The following TSPAN15 variants were observed in gnomAD, a reference collection of about 807,000 sequenced individuals.
TSPAN15 encodes tetraspanin-15.
A neutral mutation model predicts 34.5 loss-of-function variants in TSPAN15; 20 were observed. The observed-to-expected ratio is 0.58, with a 90% CI of 0.41 to 0.84. TSPAN15 has a LOEUF of 0.84. Among genes scored for constraint, TSPAN15 ranks in the 40% least tolerant of loss-of-function variants. The pLI, the probability that TSPAN15 is intolerant of heterozygous loss-of-function variation, is 0.00. For synonymous variants in TSPAN15, 155 were observed against 153.9 expected, an observed-to-expected ratio of 1.01 and a Z score of -0.05; for missense variants, 313 against 386.1, an observed-to-expected ratio of 0.81 and a Z score of 1.59.
chr10:69,508,566 C>T (rs972612327), downstream of TSPAN15, among the ~76,000 whole-genome samples: 1 of 151,602 alleles, frequency 6.6e-6, no homozygotes, highest in African/African-American at 2.4e-5. Flanking sequence ...GATGCTTGGT[C>T]TGCCATGGGT....
rs1475884125 is a variant in TSPAN15 at position 69,506,798 on chromosome 10, G to C, written c.736-31G>C. On this transcript the variant is annotated intron_variant, in intron 7 of 7. Transcript: ENST00000373290. This position sits in a 1 kb window ranked among gnomAD's most constrained non-coding sequence, Gnocchi z 4.7. ...GGGAGGGCTGCCCTGATTCCCAGCA[G>C]GCCCTCACCAGCCCTGCCCCTTCTT... The C allele has an allele frequency of 2.6e-6, 4 of 1,554,182 alleles. No homozygotes were observed. The highest frequency in any genetic ancestry group is 3.5e-6 in the Non-Finnish European group (4 of 1,148,106).
chr10:69,480,801 G>A (rs1371278534), intron 1 of TSPAN15, among the ~76,000 whole-genome samples: 2 of 152,078 alleles, frequency 1.3e-5, no homozygotes, highest in East Asian at 1.9e-4. Flanking sequence ...TGGTTCAGGC[G>A]ATGCTCCTGC....
chr10:69,514,732 C>T, the TSPAN15 span, among the ~76,000 whole-genome samples: 2 of 152,120 alleles, frequency 1.3e-5, no homozygotes, highest in Admixed American at 1.3e-4. Context: ...CCCTAATTAG[C>T]CTGGCTAGGG....
the TSPAN15 span, among the ~76,000 whole-genome samples, chr10:69,513,776 A>G: frequency 6.6e-6 from 1 of 152,250 alleles, no homozygotes; most frequent in Admixed American, 6.5e-5. Context: ...AGTACGCATC[A>G]AAGTTAATCT....
At chr10:69,527,595 C>CAA in the TSPAN15 span, among the ~76,000 whole-genome samples, 1,903 of 136,660 alleles carry the variant, frequency 0.014, 120 homozygotes, top group African/African-American at 0.04. Context: ...AATTCCATCT[C>CAA]AAAAAAAAAA....
At chr10:69,500,358 TC>T (rs1842179812) in intron 5 of TSPAN15, among the ~76,000 whole-genome samples, 1 of 152,154 alleles carries the variant, frequency 6.6e-6, no homozygotes, top group Non-Finnish European at 1.5e-5. Context: ...AGTCCAGTGG[TC>T]CACCCAAGAA....
At position 69,506,739 on chromosome 10, in the gene TSPAN15, TG is replaced by T; in HGVS notation, c.736-88del. The T allele has an allele frequency of 7.4e-7, 1 of 1,353,648 alleles. No individual in the cohort carries two copies. Among genetic ancestry groups the T allele is most frequent in the Non-Finnish European group, 1.0e-6 (1 of 975,752 alleles). The allele number at this position is 1,353,648 out of a possible 1,614,324, so 83.9% of individuals were successfully genotyped here. On this transcript the variant is annotated intron_variant, in intron 7 of 7. Transcript: ENST00000373290. The surrounding 1 kb of genome is among the most constrained non-coding windows in gnomAD (Gnocchi z 4.7). The stretch of plus-strand genomic sequence containing the variant: ...ACACAGGACCATGAGGGCTTGGGAC[TG>T]GCTGCTTGGGTTTCTGGGAGCCGGG...
intron 1 of TSPAN15, among the ~76,000 whole-genome samples, chr10:69,476,235 T>C (rs2133097551): frequency 6.6e-6 from 1 of 152,138 alleles, no homozygotes; most frequent in South Asian, 2.1e-4. Context: ...CTGAAGTCAT[T>C]ACAATAAGGA....
At chr10:69,512,179 T>C (rs1842421532), downstream of TSPAN15, among the ~76,000 whole-genome samples, 1 of 152,214 alleles carries the variant, frequency 6.6e-6, no homozygotes. Context: ...CCTTTTGTGC[T>C]TTAAAGCCAA....
intron 4 of TSPAN15, among the ~76,000 whole-genome samples, chr10:69,496,318 TGCA>T (rs1842080060): frequency 9.4e-6 from 1 of 106,368 alleles, no homozygotes; most frequent in African/African-American, 3.8e-5. Flanking sequence ...AATCTGTTGG[TGCA>T]ATAATAATAA....
the TSPAN15 span, among the ~76,000 whole-genome samples, chr10:69,536,128 C>G: frequency 6.6e-6 from 1 of 152,340 alleles, no homozygotes; most frequent in South Asian, 2.1e-4. Flanking sequence ...TGTCATCAAG[C>G]ACTGGGCCAA....
intron 5 of TSPAN15, among the ~76,000 whole-genome samples, chr10:69,499,628 C>T (rs1338111841): frequency 6.6e-6 from 1 of 152,212 alleles, no homozygotes; most frequent in Non-Finnish European, 1.5e-5. Context: ...CAAACAAAGT[C>T]TCTGCCCGCA....
At chr10:69,543,885 GTGTGTGTGTGTGTGTGTA>G in the TSPAN15 span, among the ~76,000 whole-genome samples, 1 of 148,654 alleles carries the variant, frequency 6.7e-6, no homozygotes, top group African/African-American at 2.5e-5. Context: ...GTGTGTGTGT[GTGTGTGTGTGTGTGTGTA>G]GGGAGGCTCC....
At chr10:69,494,659 G>A (rs536748006) in intron 3 of TSPAN15, 8 of 985,316 alleles carry the variant, frequency 8.1e-6, no homozygotes, top group African/African-American at 3.5e-5. Context: ...AGTAAGCCGC[G>A]ATGGGGCCTG....
chr10:69,506,309 G>A lies in TSPAN15; in HGVS notation c.735+69G>A. On this transcript the variant is annotated intron_variant, in intron 7 of 7. Coordinates refer to ENST00000373290, the MANE Select transcript of TSPAN15 (RefSeq NM_012339.5). This position sits in a 1 kb window ranked among gnomAD's most constrained non-coding sequence, Gnocchi z 4.7. ...CAGAAGGGCAGAGAAGGTGCAGAGG[G>A]GAAGAGCGAAGAGGCTTTTTTCATA... The A allele has an allele frequency of 6.8e-7, 1 of 1,480,938 alleles. No individual in the cohort carries two copies. Among genetic ancestry groups the A allele is most frequent in the Middle Eastern group, 1.7e-4 (1 of 5,736 alleles). 91.7% of individuals were successfully genotyped at this position (1,480,938 alleles called of 1,614,324 possible). A position where few individuals can be genotyped will look rare whatever the true frequency, so the allele number is the denominator to read the frequency against.
the TSPAN15 span, among the ~76,000 whole-genome samples, chr10:69,530,812 CTCTCTCTCTATAT>C: frequency 7.8e-4 from 52 of 66,714 alleles, no homozygotes; most frequent in African/African-American, 2.5e-3. Flanking sequence ...CTCTCTCTCT[CTCTCTCTCTATAT>C]ATATATATAT....
Position 69,506,175 on chromosome 10 carries a change from A to T in TSPAN15, c.670A>T (p.Ile224Phe), listed in dbSNP as rs1468405631. The change falls in exon 7 of 8, where the codon ATC becomes TTC. Residue 224 changes from isoleucine to phenylalanine, a missense_variant. Physicochemically the swap from Ile to Phe is conservative, Grantham distance 21. Coordinates refer to ENST00000373290, the MANE Select transcript of TSPAN15 (RefSeq NM_012339.5). The surrounding 1 kb of genome is among the most constrained non-coding windows in gnomAD (Gnocchi z 4.7). ...IYVRGCTNAV[I>F]IWFMDNYTIM... is the part of the protein sequence containing the mutation. ...CGTGCGGGGCTGCACCAACGCCGTG[A>T]TCATCTGGTTCATGGACAACTACAC... is the stretch of plus-strand genomic sequence containing the variant. 6.2e-6 allele frequency: 10 copies of T among 1,614,074 alleles called. No individual in the cohort carries two copies. Among genetic ancestry groups the T allele is most frequent in the Non-Finnish European group, 8.5e-6 (10 of 1,180,040 alleles).
chr10:69,490,474 A>C (rs780918586), intron 3 of TSPAN15, among the ~76,000 whole-genome samples: 1 of 152,184 alleles, frequency 6.6e-6, no homozygotes, highest in Non-Finnish European at 1.5e-5. Flanking sequence ...TAATCCCAGC[A>C]CTTTGGGAGG....
the TSPAN15 span, among the ~76,000 whole-genome samples, chr10:69,546,644 T>C: frequency 3.9e-5 from 6 of 152,272 alleles, no homozygotes; most frequent in African/African-American, 1.2e-4. Flanking sequence ...TCCTGCCCCA[T>C]TGTTTTTGCC....
Sources: allele counts gnomAD v4.1 joint callset (sites outside exome capture counted in the v4.1 genomes callset), GRCh38; gene constraint gnomAD v4.1.1; non-coding constraint Gnocchi (gnomAD v3.1); transcripts MANE v1.5; gene names NCBI Gene and HGNC (gene_info 2026-07-23, HGNC 2026-07-21).